The following NLGN4X variants were observed in gnomAD, a reference collection of about 807,000 sequenced individuals.
NLGN4X encodes neuroligin 4 X-linked, also known as neuroligin-4, X-linked.
In NLGN4X, 3 loss-of-function variants were observed where a neutral mutation model predicts 40.3. That is an observed-to-expected ratio of 0.07 (90% CI 0.03 to 0.19). NLGN4X has a LOEUF of 0.19. Among genes scored for constraint, NLGN4X ranks in the 10% least tolerant of loss-of-function variants. The pLI is 1.00. For missense variants in NLGN4X, 382 were observed against 708.3 expected, an observed-to-expected ratio of 0.54 and a Z score of 5.23; for synonymous variants, 270 against 306.8, an observed-to-expected ratio of 0.88 and a Z score of 1.25.
intron 3 of NLGN4X, among the ~76,000 whole-genome samples, chrX:6,014,180 C>CA (rs1555948720): frequency 9.5e-6 from 1 of 104,758 alleles, no homozygotes; most frequent in Non-Finnish European, 1.9e-5. Flanking sequence ...GACTCCATCT[C>CA]AGAGAGAGAA....
chrX:6,088,618 A>T (rs1333066084), intron 2 of NLGN4X, among the ~76,000 whole-genome samples: 1 of 111,946 alleles, frequency 8.9e-6, no homozygotes, highest in African/African-American at 3.2e-5. Context: ...GGTTTGTGTA[A>T]GTCTTTTATC....
At chrX:6,082,918 G>GTGGTAAAAAAA in intron 2 of NLGN4X, among the ~76,000 whole-genome samples, 1 of 105,823 alleles carries the variant, frequency 9.4e-6, no homozygotes, top group East Asian at 2.9e-4. Context: ...GTTTTCCCAG[G>GTGGTAAAAAAA]TGGTAAAAAA....
chrX:5,981,499 G>T, intron 3 of NLGN4X, among the ~76,000 whole-genome samples: 1 of 107,434 alleles, frequency 9.3e-6, no homozygotes, highest in Non-Finnish European at 1.9e-5. Flanking sequence ...AAGCCTACTA[G>T]ATAATGAGAT....
intron 2 of NLGN4X, among the ~76,000 whole-genome samples, chrX:6,081,839 A>G (rs1296641284): frequency 8.9e-6 from 1 of 112,463 alleles, no homozygotes; most frequent in African/African-American, 3.2e-5. Flanking sequence ...AAAGAAACAC[A>G]AAGGAGAAAT....
At chrX:6,083,274 C>T (rs892259064) in intron 2 of NLGN4X, among the ~76,000 whole-genome samples, 6 of 111,364 alleles carry the variant, frequency 5.4e-5, no homozygotes, top group Admixed American at 2.9e-4. Context: ...GCGTTTTTAA[C>T]GGCTTGCAGG....
At chrX:6,196,407 C>G (rs1923061952) in intron 1 of NLGN4X, among the ~76,000 whole-genome samples, 1 of 108,950 alleles carries the variant, frequency 9.2e-6, no homozygotes. Flanking sequence ...AAACAATTAG[C>G]CGGGCGTGGT....
intron 3 of NLGN4X, among the ~76,000 whole-genome samples, chrX:6,010,314 C>T (rs1405598370): frequency 9.2e-6 from 1 of 108,517 alleles, no homozygotes; most frequent in Non-Finnish European, 1.9e-5. Context: ...GCTTGTAGAC[C>T]CTCACCTTTA....
At chrX:6,190,274 A>G (rs1922429575) in intron 1 of NLGN4X, among the ~76,000 whole-genome samples, 1 of 112,078 alleles carries the variant, frequency 8.9e-6, no homozygotes, top group Non-Finnish European at 1.9e-5. Flanking sequence ...AGAATCAAGG[A>G]AAAATACTGA....
At chrX:6,134,106 C>G (rs2039755644) in intron 2 of NLGN4X, among the ~76,000 whole-genome samples, 1 of 111,145 alleles carries the variant, frequency 9.0e-6, no homozygotes, top group African/African-American at 3.3e-5. Context: ...AATACTTGTC[C>G]TGGTTGAGCT....
intron 3 of NLGN4X, among the ~76,000 whole-genome samples, chrX:6,013,921 G>T (rs2036320551): frequency 9.1e-6 from 1 of 110,466 alleles, no homozygotes; most frequent in Admixed American, 9.7e-5. Context: ...GGTGACTCAC[G>T]CCTGTAATCC....
At chrX:5,951,538 T>A (rs770121732) in intron 3 of NLGN4X, among the ~76,000 whole-genome samples, 3 of 110,183 alleles carry the variant, frequency 2.7e-5, no homozygotes, top group Non-Finnish European at 5.7e-5. Context: ...TCTTACCTCT[T>A]TTGGCTGCTA....
chrX:6,009,467 T>C (rs1452689575), intron 3 of NLGN4X, among the ~76,000 whole-genome samples: 1 of 112,526 alleles, frequency 8.9e-6, no homozygotes, highest in African/African-American at 3.2e-5. Context: ...TCCTAATGGA[T>C]ATGATTTCCA....
chrX:5,913,383 T>C (rs1012077669), intron 3 of NLGN4X, among the ~76,000 whole-genome samples: 2 of 111,433 alleles, frequency 1.8e-5, no homozygotes, highest in Non-Finnish European at 3.8e-5. Flanking sequence ...ATTCCTCGGA[T>C]AGATCACTTA....
intron 3 of NLGN4X, among the ~76,000 whole-genome samples, chrX:5,923,304 C>A (rs1042683659): frequency 1.8e-5 from 2 of 111,931 alleles, no homozygotes; most frequent in Non-Finnish European, 1.9e-5. Context: ...CTGCACCCAG[C>A]TAATTTTTGT....
chrX:6,035,578 A>G (rs1322691503), intron 2 of NLGN4X, among the ~76,000 whole-genome samples: 1 of 111,826 alleles, frequency 8.9e-6, no homozygotes, highest in Non-Finnish European at 1.9e-5. Context: ...TGCCTCCTTT[A>G]ATTGTTTTGG....
At chrX:6,125,801 G>T (rs1365653334) in intron 2 of NLGN4X, among the ~76,000 whole-genome samples, 1 of 111,249 alleles carries the variant, frequency 9.0e-6, no homozygotes, top group African/African-American at 3.3e-5. Flanking sequence ...AAATCCTTTT[G>T]TATGGACAGT....
In NLGN4X at chrX:5,892,634, CAACGAT is replaced by C. The variant is rs2146680568; in HGVS notation, c.*177_*182del. 1 of 533,672 alleles carries C rather than the reference CAACGAT, an allele frequency of 1.9e-6. No homozygotes were observed. Among genetic ancestry groups the C allele is most frequent in the East Asian group, 3.7e-5 (1 of 27,078 alleles). The allele number at this position is 533,672 out of a possible 1,213,427, so 44.0% of individuals were successfully genotyped here. On this transcript the variant is annotated 3_prime_UTR_variant, in exon 6 of 6. Coordinates refer to ENST00000381095, the MANE Select transcript of NLGN4X (RefSeq NM_181332.3). Reference sequence around the variant, plus strand: ...TTGATCTTGTAATACTGGAAAACACCAACGATAAGGGTCTGCCGGGATGGGATGACT... The same window carrying C: ...TTGATCTTGTAATACTGGAAAACACCAAGGGTCTGCCGGGATGGGATGACT...
intron 2 of NLGN4X, among the ~76,000 whole-genome samples, chrX:6,120,269 T>C (rs752609597): frequency 4.7e-4 from 52 of 111,815 alleles, no homozygotes; most frequent in African/African-American, 1.6e-3. Flanking sequence ...GACAAAATGA[T>C]GACTACCCCC....
In NLGN4X at chrX:6,141,830, AT is replaced by A. The variant is rs761904156; in HGVS notation, c.472+9164del. On this transcript the variant is annotated intron_variant, in intron 2 of 5. Coordinates refer to ENST00000381095, the MANE Select transcript of NLGN4X (RefSeq NM_181332.3). ...CAAGACTGTCTCAAACATAAAAAAA[AT>A]AAAATTAAAAAAATAAATAATAAAA... Among the ~76,000 whole-genome samples, 337 of 111,692 alleles carry A rather than the reference AT, an allele frequency of 3.0e-3. 2 individuals carry two copies. The highest frequency in any genetic ancestry group is 9.5e-3 in the African/African-American group (294 of 30,796).
Sources: gnomAD v4.1 joint callset for allele counts (sites outside exome capture counted in the v4.1 genomes callset) on GRCh38, gnomAD v4.1.1 for gene constraint, MANE v1.5 for transcripts, NCBI Gene and HGNC (gene_info 2026-07-23, HGNC 2026-07-21) for gene names.